MACF1: variants seen among roughly 807,000 people sequenced by gnomAD.
The protein encoded by MACF1 is microtubule-actin cross-linking factor 1.
In MACF1, 193 loss-of-function variants were observed where a neutral mutation model predicts 854.8. The observed-to-expected ratio is 0.23, with a 90% CI of 0.20 to 0.25. MACF1 has a LOEUF of 0.25. Among genes scored for constraint, MACF1 ranks in the 10% least tolerant of loss-of-function variants. The pLI is 1.00. For synonymous variants in MACF1, 3,185 were observed against 3,226.7 expected (o/e 0.99, Z 0.44); for missense variants, 7,722 against 8,929.1 (o/e 0.86, Z 5.45).
Position 39,336,281 on chromosome 1 carries a change from A to G in MACF1, c.9693A>G (p.Thr3231=), listed in dbSNP as rs1183775635. Residue 3231 remains threonine (T), a synonymous_variant, in exon 37 of 101, where the codon ACA becomes ACG. Coordinates refer to ENST00000564288, the MANE Select transcript of MACF1 (RefSeq NM_001394062.1). ...LCGTLKSEIA[T]QELTGEKFLE... ...GAACTCTCAAATCTGAAATAGCAAC[A>G]CAGGAACTAACTGGAGAGAAATTTC... The G allele has an allele frequency of 6.2e-7, 1 of 1,614,178 alleles. No individual in the cohort carries two copies. Among genetic ancestry groups the G allele is most frequent in the Non-Finnish European group, 8.5e-7 (1 of 1,180,018 alleles).
rs1184495052 is a variant in MACF1, at chr1:39,285,307, C to A, written c.1270C>A (p.Leu424Met). The A allele has an allele frequency of 6.2e-7, 1 of 1,614,036 alleles. No individual in the cohort carries two copies. Among genetic ancestry groups the A allele is most frequent in the African/African-American group, 1.3e-5 (1 of 74,910 alleles). ...TTTATCTTATTTCAGGCTGGAATTG[C>A]TGCTACAGATTGCAAACAAAATCCA... ...LRPAVERLEL[L>M]LQIANKIQNG... Residue 424 changes from leucine to methionine, a missense_variant, in exon 13 of 101, where the codon CTG (leucine) becomes ATG (methionine). Physicochemically the swap from Leu to Met is conservative, Grantham distance 15. Around this residue, in one of 15 missense-constraint regions of MACF1, gnomAD observed 1,137 missense variants for 1,263.0 expected, o/e 0.90. Coordinates refer to ENST00000564288, the MANE Select transcript of MACF1 (RefSeq NM_001394062.1).
chr1:39,331,239 A>G lies in MACF1; in HGVS notation c.4651A>G (p.Thr1551Ala). 6.3e-7 allele frequency: 1 copy of G among 1,594,966 alleles called. No homozygotes were observed. The highest frequency in any genetic ancestry group is 8.5e-7 in the Non-Finnish European group (1 of 1,175,620). Residue 1551 changes from threonine to alanine, a missense_variant, in exon 37 of 101, where the codon ACA (threonine) becomes GCA (alanine). By Grantham distance (58) the Thr-to-Ala change is moderately conservative (BLOSUM62 0). Transcript: ENST00000564288. ...AGTTGCTGGGGTGATTGACCTAGGCACAGTGGAGATATTTCCCATCTTCAA... is the reference window on the plus strand; with the variant it reads ...AGTTGCTGGGGTGATTGACCTAGGCGCAGTGGAGATATTTCCCATCTTCAA... The part of the protein sequence containing the change: ...RAVAGVIDLG[T>A]VEIFPIFKAM...
chr1:39,308,718 C>T (rs1408144374), intron 23 of MACF1, among the ~76,000 whole-genome samples: 2 of 151,532 alleles, frequency 1.3e-5, no homozygotes, highest in African/African-American at 2.4e-5. Context: ...TGCAATGGTG[C>T]GATCTTGGCT....
intron 92 of MACF1, 60 bp from the exon 93 acceptor site, chr1:39,461,817 AATCTAT>A: frequency 9.9e-7 from 1 of 1,008,318 alleles, no homozygotes; most frequent in South Asian, 1.8e-5. Flanking sequence ...AAAAAAAAAA[AATCTAT>A]AACCGCCAAC....
intron 33 of MACF1, among the ~76,000 whole-genome samples, chr1:39,323,406 A>G (rs1265917385): frequency 6.6e-6 from 1 of 151,716 alleles, no homozygotes; most frequent in East Asian, 1.9e-4. Context: ...AATTAAAAAA[A>G]TTTTTTAAAC....
chr1:39,221,278 A>G (rs1484612539), intron 1 of MACF1, among the ~76,000 whole-genome samples: 2 of 152,186 alleles, frequency 1.3e-5, no homozygotes, highest in Admixed American at 1.3e-4. Flanking sequence ...GAATTCTAAA[A>G]CTAAAGTGAT....
intron 58 of MACF1, chr1:39,412,418 A>G (rs1421689345): frequency 1.9e-6 from 3 of 1,614,012 alleles, no homozygotes; most frequent in Non-Finnish European, 2.5e-6. Flanking sequence ...TGTGATGAGG[A>G]TGGTGAGGCA....
At chr1:39,340,044 C>T (rs1224747650) in intron 38 of MACF1, among the ~76,000 whole-genome samples, 1 of 152,160 alleles carries the variant, frequency 6.6e-6, no homozygotes, top group Admixed American at 6.5e-5. Context: ...GCTTTGTATT[C>T]TTTGGTTCCA....
chr1:39,397,047 A>G (rs1301995421), intron 58 of MACF1, among the ~76,000 whole-genome samples: 1 of 152,156 alleles, frequency 6.6e-6, no homozygotes, highest in Non-Finnish European at 1.5e-5. Flanking sequence ...TTTGCTACAC[A>G]TGGTGATGGT....
At chr1:39,436,090 G>A (rs1643968303) in intron 70 of MACF1, 2 of 400,410 alleles carry the variant, frequency 5.0e-6, no homozygotes, top group Admixed American at 4.2e-5. Context: ...CCTCAAAAAA[G>A]TACTTATTGA....
Position 39,302,158 on chromosome 1 carries a change from G to A in MACF1, c.2635-766G>A, listed in dbSNP as rs188266765. Among the ~76,000 whole-genome samples the A allele has an allele frequency of 4.5e-4, 69 of 152,076 alleles. 1 individual carries two copies. The highest frequency in any genetic ancestry group is 1.0e-4 in the Non-Finnish European group (7 of 67,982). On this transcript the variant is annotated intron_variant, in intron 22 of 100. Coordinates refer to ENST00000564288, the MANE Select transcript of MACF1 (RefSeq NM_001394062.1). ...ACTACAGGCATGCACTACTATACCCGGCTAATTTTTGTTATTTTTTGTAGA... is the reference window on the plus strand; with the variant it reads ...ACTACAGGCATGCACTACTATACCCAGCTAATTTTTGTTATTTTTTGTAGA...
intron 2 of MACF1, among the ~76,000 whole-genome samples, chr1:39,126,268 A>G (rs1571073264): frequency 6.6e-6 from 1 of 152,288 alleles, no homozygotes; most frequent in East Asian, 1.9e-4. Context: ...GTTGCCTCAG[A>G]TGTTCCTTGG....
At chr1:39,309,492 C>A in intron 23 of MACF1, 78 bp from the exon 24 acceptor site, 1 of 1,544,224 alleles carries the variant, frequency 6.5e-7, no homozygotes, top group African/African-American at 1.4e-5. Flanking sequence ...CTAAGGCAAT[C>A]ACATTTTTCC....
Position 39,442,776 on chromosome 1 carries a change from T to A in MACF1, c.19167T>A (p.Asn6389Lys), listed in dbSNP as rs138532677. ...TGGAAACAGTCAACAAAGCTGGCAA[T>A]GAGCTTCTTGAATCCAGTGCTGGAG... The part of the protein sequence containing the change: ...ATVETVNKAG[N>K]ELLESSAGDD... The change falls in exon 78 of 101, where the codon AAT becomes AAA. Residue 6389 changes from asparagine (N) to lysine (K), a missense_variant. Asn to Lys is a moderately conservative substitution (Grantham distance 94). Coordinates refer to ENST00000564288, the MANE Select transcript of MACF1 (RefSeq NM_001394062.1). The A allele has an allele frequency of 9.3e-6, 15 of 1,613,898 alleles. No homozygotes were observed. The highest frequency in any genetic ancestry group is 1.3e-5 in the Non-Finnish European group (15 of 1,179,904).
At chr1:39,459,273 C>T (rs370879713) in intron 91 of MACF1, 24 bp downstream of exon 91, 1 of 1,588,874 alleles carries the variant, frequency 6.3e-7, no homozygotes, top group African/African-American at 1.4e-5. Flanking sequence ...GAGTGGCCTT[C>T]CCTGAAACAA....
At chr1:39,386,209 T>C (rs1444821148) in intron 57 of MACF1, among the ~76,000 whole-genome samples, 2 of 151,466 alleles carry the variant, frequency 1.3e-5, no homozygotes, top group Non-Finnish European at 2.9e-5. Flanking sequence ...GATGTACTGA[T>C]AAATGGAGTT....
chr1:39,319,169 A>G (rs539664901), intron 30 of MACF1, among the ~76,000 whole-genome samples: 1 of 152,248 alleles, frequency 6.6e-6, no homozygotes, highest in African/African-American at 2.4e-5. Context: ...TAAAATGGAC[A>G]TAGTTTGTTA....
rs564027576 is a variant in MACF1 at position 39,146,549 on chromosome 1, A to G, written c.220+62111A>G. On this transcript the variant is annotated intron_variant, in intron 2 of 93. Coordinates refer to the MACF1 transcript ENST00000361689. ...ATGACATTCTGTCATTTACAACAACATGGATGGAACTGGAGGACATTATGT... is the reference window on the plus strand; with the variant it reads ...ATGACATTCTGTCATTTACAACAACGTGGATGGAACTGGAGGACATTATGT... Among the ~76,000 whole-genome samples, 5 of 152,286 alleles carry G rather than the reference A, an allele frequency of 3.3e-5. No individual in the cohort carries two copies. In the East Asian group the frequency reaches 5.8e-4, roughly 18 times the overall value.
At position 39,452,053 on chromosome 1, in the gene MACF1, A is replaced by T; in HGVS notation, c.20419-103A>T. The T allele has an allele frequency of 3.8e-6, 4 of 1,049,700 alleles. No individual in the cohort carries two copies. The South Asian group carries it at 6.8e-5, about 18-fold the overall frequency. 65.0% of individuals were successfully genotyped at this position (1,049,700 alleles called of 1,614,324 possible). On this transcript the variant is annotated intron_variant, in intron 85 of 100. Transcript: ENST00000564288. ...TTGCTCTGCCTCCCTCTATGCATAA[A>T]AGACACATGATTAGAACCTACCAAG... is the stretch of plus-strand genomic sequence containing the variant.
Sources: gnomAD v4.1 joint callset for allele counts (sites outside exome capture counted in the v4.1 genomes callset) on GRCh38, gnomAD v4.1.1 for gene constraint, gnomAD v4.1.1 regional missense constraint, MANE v1.5 for transcripts, NCBI Gene and HGNC (gene_info 2026-07-23, HGNC 2026-07-21) for gene names.